Variants in RHOJ observed in about 807,000 individuals in gnomAD.
The protein encoded by RHOJ is ras homolog family member J.
RHOJ carries 11 observed loss-of-function variants against 23.4 expected under a neutral mutation model. That is an observed-to-expected ratio of 0.47 (90% CI 0.30 to 0.78). The LOEUF (loss-of-function observed/expected upper bound fraction) is 0.78. RHOJ is among the 30% of genes least tolerant of loss of function. The pLI is 0.08. For missense variants in RHOJ, 254 were observed against 273.4 expected, an observed-to-expected ratio of 0.93 and a Z score of 0.50; for synonymous variants, 102 against 102.7, an observed-to-expected ratio of 0.99 and a Z score of 0.04.
chr14:63,254,735 G>C (rs897895221), intron 1 of RHOJ, among the ~76,000 whole-genome samples: 1 of 152,108 alleles, frequency 6.6e-6, no homozygotes, highest in South Asian at 2.1e-4. Flanking sequence ...TTCCCCAGCT[G>C]CTCCTAAAGC....
At chr14:63,285,034 A>G (rs140002570) in intron 4 of RHOJ, among the ~76,000 whole-genome samples, 1 of 152,346 alleles carries the variant, frequency 6.6e-6, no homozygotes, top group African/African-American at 2.4e-5. Flanking sequence ...AACTTGTTTT[A>G]TCACAATTCA....
intron 2 of RHOJ, among the ~76,000 whole-genome samples, chr14:63,278,675 T>C (rs1478958096): frequency 1.3e-5 from 2 of 152,144 alleles, no homozygotes; most frequent in Non-Finnish European, 2.9e-5. Context: ...CATGTGTATG[T>C]GGTATACATA....
At chr14:63,262,696 C>T (rs948561267) in intron 1 of RHOJ, among the ~76,000 whole-genome samples, 1 of 152,180 alleles carries the variant, frequency 6.6e-6, no homozygotes, top group Non-Finnish European at 1.5e-5. Context: ...TCAAGCTGCC[C>T]CTCCGTACAT....
chr14:63,210,107 G>A lies in RHOJ; in HGVS notation c.178+5060G>A, dbSNP rs527275248. 4.9e-3 allele frequency among the ~76,000 whole-genome samples: 739 copies of A among 151,818 alleles called. 5 individuals carry two copies. The highest frequency in any genetic ancestry group is 0.017 in the African/African-American group (710 of 41,382). On this transcript the variant is annotated intron_variant, in intron 1 of 4. Coordinates refer to ENST00000316754, the MANE Select transcript of RHOJ (RefSeq NM_020663.5). Reference sequence around the variant, plus strand: ...CCCAAGTAGCTGGGACAATAGGCACGTGCCACCACGCCCAGCTAATTTTTT... The same window carrying A: ...CCCAAGTAGCTGGGACAATAGGCACATGCCACCACGCCCAGCTAATTTTTT...
chr14:63,247,258 C>G (rs1894992766), intron 1 of RHOJ, among the ~76,000 whole-genome samples: 1 of 152,160 alleles, frequency 6.6e-6, no homozygotes, highest in Non-Finnish European at 1.5e-5. Flanking sequence ...CAACAAGTCC[C>G]TTAAGCAATG....
At chr14:63,250,936 C>T (rs951428296) in intron 1 of RHOJ, among the ~76,000 whole-genome samples, 1 of 152,076 alleles carries the variant, frequency 6.6e-6, no homozygotes, top group African/African-American at 2.4e-5. Context: ...TTAGGAGGCT[C>T]AGGCAGAAGA....
intron 2 of RHOJ, among the ~76,000 whole-genome samples, chr14:63,274,862 A>G (rs1881668835): frequency 1.3e-5 from 2 of 152,186 alleles, no homozygotes; most frequent in Admixed American, 1.3e-4. Context: ...TTTTCAAATT[A>G]AGCCTGATTT....
At chr14:63,214,422 G>A (rs912804515) in intron 1 of RHOJ, among the ~76,000 whole-genome samples, 2 of 152,162 alleles carry the variant, frequency 1.3e-5, no homozygotes, top group African/African-American at 4.8e-5. Context: ...GCCAAAAGGA[G>A]CAATTCTATA....
rs776349078 is a variant in RHOJ at position 63,269,125 on chromosome 14, G to A, written c.194G>A (p.Gly65Glu). Residue 65 changes from glycine to glutamate, a missense_variant, in exon 2 of 5, where the codon GGA becomes GAA. Coordinates refer to ENST00000316754, the MANE Select transcript of RHOJ (RefSeq NM_020663.5). ...FDHYAVTVTV[G>E]GKQHLLGLYD... ...TCTCCCCTAGTTACTGTGACTGTGG[G>A]AGGCAAGCAACACTTGCTCGGACTG... is the stretch of plus-strand genomic sequence containing the variant. 1 of 1,613,084 alleles carries A rather than the reference G, an allele frequency of 6.2e-7. No homozygotes were observed. The highest frequency in any genetic ancestry group is 1.1e-5 in the South Asian group (1 of 91,060).
At chr14:63,289,733 G>T (rs1882188296) in intron 4 of RHOJ, among the ~76,000 whole-genome samples, 3 of 152,074 alleles carry the variant, frequency 2.0e-5, no homozygotes, top group South Asian at 4.1e-4. Flanking sequence ...TGAGAGGTTT[G>T]TGATTATCAA....
intron 1 of RHOJ, among the ~76,000 whole-genome samples, chr14:63,243,529 G>C (rs555440793): frequency 2.6e-5 from 4 of 152,052 alleles, no homozygotes; most frequent in Admixed American, 1.3e-4. Flanking sequence ...TAGTAGAGAC[G>C]GGGTTTCCCC....
intron 2 of RHOJ, among the ~76,000 whole-genome samples, chr14:63,274,066 T>C (rs1443898688): frequency 4.6e-5 from 7 of 152,166 alleles, no homozygotes; most frequent in African/African-American, 1.7e-4. Context: ...GAAGTCCCGC[T>C]TTCCCCCAAT....
chr14:63,207,849 A>G (rs1894147525), intron 1 of RHOJ, among the ~76,000 whole-genome samples: 2 of 152,228 alleles, frequency 1.3e-5, no homozygotes, highest in African/African-American at 4.8e-5. Flanking sequence ...AGTGATTAAC[A>G]TATGTAAAGT....
At chr14:63,275,209 T>C (rs565554698) in intron 2 of RHOJ, among the ~76,000 whole-genome samples, 1 of 152,214 alleles carries the variant, frequency 6.6e-6, no homozygotes, top group East Asian at 1.9e-4. Context: ...TCCCAGCTAC[T>C]TGGGAGGCTG....
At chr14:63,208,227 A>G (rs1379183944) in intron 1 of RHOJ, among the ~76,000 whole-genome samples, 1 of 152,170 alleles carries the variant, frequency 6.6e-6, no homozygotes, top group African/African-American at 2.4e-5. Context: ...ACAAAAAACA[A>G]TTTTTAAAGT....
At chr14:63,263,984 CT>C (rs34629316) in intron 1 of RHOJ, among the ~76,000 whole-genome samples, 51 of 146,226 alleles carry the variant, frequency 3.5e-4, no homozygotes, top group Non-Finnish European at 4.1e-4. Flanking sequence ...AAAGCCTTTT[CT>C]TTTTTTTTTT....
At chr14:63,253,489 C>A (rs1189357203) in intron 1 of RHOJ, among the ~76,000 whole-genome samples, 1 of 152,106 alleles carries the variant, frequency 6.6e-6, no homozygotes, top group Non-Finnish European at 1.5e-5. Context: ...CCTTGGCCTC[C>A]CAAAGTGCCG....
At chr14:63,207,978 C>A (rs186496998) in intron 1 of RHOJ, among the ~76,000 whole-genome samples, 36 of 152,202 alleles carry the variant, frequency 2.4e-4, no homozygotes, top group African/African-American at 8.4e-4. Flanking sequence ...AAGATAAAGA[C>A]TACAAGAAGG....
chr14:63,243,577 T>G (rs1253289579), intron 1 of RHOJ, among the ~76,000 whole-genome samples: 5 of 152,106 alleles, frequency 3.3e-5, no homozygotes, highest in African/African-American at 1.2e-4. Context: ...TGACCTCAGG[T>G]GATCCACCCA....
Sources: allele counts gnomAD v4.1 joint callset (sites outside exome capture counted in the v4.1 genomes callset), GRCh38; gene constraint gnomAD v4.1.1; transcripts MANE v1.5; gene names NCBI Gene and HGNC (gene_info 2026-07-23, HGNC 2026-07-21).